PKD1: variants seen among roughly 807,000 people sequenced by gnomAD.
The protein encoded by PKD1 is polycystin-1.
A neutral mutation model predicts 361.7 loss-of-function variants in PKD1; 81 were observed. That is an observed-to-expected ratio of 0.22 (90% confidence interval 0.19 to 0.27). The LOEUF is 0.27. Ranked by LOEUF, PKD1 falls within the 10% of genes least tolerant of loss-of-function variation. The pLI, the probability that PKD1 is intolerant of heterozygous loss-of-function variation, is 1.00. For missense variants in PKD1, 6,399 were observed against 6,118.3 expected (o/e 1.05, Z -1.53); for synonymous variants, 3,615 against 2,818.3 (o/e 1.28, Z -8.95).
intron 30 of PKD1, chr16:2,098,976 G>C (rs929225627): frequency 6.1e-6 from 1 of 163,520 alleles, no homozygotes; most frequent in African/African-American, 2.5e-5. Context: ...GACTACAGGC[G>C]CCCGCCACCA....
Position 2,107,880 on chromosome 16 carries a change from C to T in PKD1, c.7065+3G>A, listed in dbSNP as rs553295222. On this transcript the variant is annotated splice_donor_region_variant and intron_variant, in intron 16 of 45. Coordinates refer to ENST00000262304, the MANE Select transcript of PKD1 (RefSeq NM_001009944.3). The stretch of plus-strand genomic sequence containing the variant: ...AAGTGGCCGAGGGGCGGGCGGCACC[C>T]ACCGTCTGGTTGGTGGCCTCCTCCT... 4.3e-5 allele frequency: 66 copies of T among 1,543,380 alleles called. No individual in the cohort carries two copies. In the South Asian group the frequency reaches 6.9e-4, roughly 16 times the overall value.
In PKD1 at chr16:2,108,676, G is replaced by A. The variant is rs1257689527; in HGVS notation, c.6491C>T (p.Ser2164Leu). The change falls in exon 15 of 46, where the codon TCA becomes TTA. Residue 2164 changes from serine to leucine, a missense_variant. Physicochemically the swap from Ser to Leu is moderately radical, Grantham distance 145. Transcript: ENST00000262304. ...GTGGGCCTCCAAGTAGTTGCGCTGTGATCGCCGCATCAGCACCTGCAGGGG... is the reference window on the plus strand; with the variant it reads ...GTGGGCCTCCAAGTAGTTGCGCTGTAATCGCCGCATCAGCACCTGCAGGGG... Reference protein sequence around the residue: ...VLPLQVLMRRSQRNYLEAHVD... With the variant: ...VLPLQVLMRRLQRNYLEAHVD... 6.4e-7 allele frequency: 1 copy of A among 1,567,452 alleles called. No individual in the cohort carries two copies. The highest frequency in any genetic ancestry group is 8.6e-7 in the Non-Finnish European group (1 of 1,157,080).
intron 40 of PKD1, 38 bp downstream of exon 40, chr16:2,091,996 AACTACTCCCTTGT>A: frequency 6.2e-7 from 1 of 1,612,454 alleles, no homozygotes; most frequent in South Asian, 1.1e-5. Context: ...ACTCCTGGAG[AACTACTCCCTTGT>A]CCTTGGCGTA....
chr16:2,089,156 A>T lies in PKD1; in HGVS notation c.*571T>A, dbSNP rs974154277. On this transcript the variant is annotated 3_prime_UTR_variant, in exon 46 of 46. Coordinates refer to ENST00000262304, the MANE Select transcript of PKD1 (RefSeq NM_001009944.3). ...GCATCCAAGCAGCAGCCGGGCTGCC[A>T]TAACGCCACCACACCTACCAAGCGC... 1.2e-5 allele frequency: 2 copies of T among 170,946 alleles called. No homozygotes were observed. The highest frequency in any genetic ancestry group is 4.8e-5 in the African/African-American group (2 of 41,818). 10.6% of individuals were successfully genotyped at this position (170,946 alleles called of 1,614,324 possible).
At chr16:2,128,753 G>A (rs1330014521) in intron 1 of PKD1, among the ~76,000 whole-genome samples, 1 of 152,134 alleles carries the variant, frequency 6.6e-6, no homozygotes, top group African/African-American at 2.4e-5. Context: ...CTCCCAGGCT[G>A]GAGTGCAATG....
At chr16:2,095,502 C>T (rs1057389706) in intron 34 of PKD1, 2 of 152,268 alleles carry the variant, frequency 1.3e-5, no homozygotes, top group Admixed American at 6.5e-5. Flanking sequence ...AGCAGGCTCT[C>T]GCTGGCAGAG....
rs1336275843 is a variant in PKD1 at position 2,110,603 on chromosome 16, C to A, written c.4564G>T (p.Asp1522Tyr). 6.2e-7 allele frequency: 1 copy of A among 1,610,716 alleles called. No individual in the cohort carries two copies. The change falls in exon 15 of 46, where the codon GAC (aspartate) becomes TAC (tyrosine). Residue 1522 changes from aspartate (D) to tyrosine (Y), a missense_variant. Physicochemically the swap from Asp to Tyr is radical, Grantham distance 160 (BLOSUM62 -3). Coordinates refer to ENST00000262304, the MANE Select transcript of PKD1 (RefSeq NM_001009944.3). ...EVTHAYNSTG[D>Y]FTVRVAGWNE... ...CAGCCGGCCACCCTAACGGTGAAGT[C>A]ACCTGTGCTGTTGTAAGCGTGGGTG... is the stretch of plus-strand genomic sequence containing the variant.
Position 2,119,205 on chromosome 16 carries a change from C to G in PKD1, c.288-20G>C. 6.4e-7 allele frequency: 1 copy of G among 1,557,168 alleles called. No homozygotes were observed. The highest frequency in any genetic ancestry group is 8.7e-7 in the Non-Finnish European group (1 of 1,145,734). On this transcript the variant is annotated intron_variant, in intron 2 of 45. Transcript: ENST00000262304. Reference sequence around the variant, plus strand: ...ATATCCCTGGAAGAGACGGGGGATTCGGCAAAGCTGATGGAAGCCCCCACA... The same window carrying G: ...ATATCCCTGGAAGAGACGGGGGATTGGGCAAAGCTGATGGAAGCCCCCACA...
chr16:2,091,327 GCGCTGCGAGGGGTGAGA>G (rs1332605299), intron 42 of PKD1, 79 bp downstream of exon 42: 5 of 527,890 alleles, frequency 9.5e-6, no homozygotes, highest in South Asian at 8.7e-5. Flanking sequence ...AGGGGGCGGG[GCGCTGCGAGGGGTGAGA>G]CGCTGCCGGG....
chr16:2,091,627 G>A (rs770333312), intron 41 of PKD1, 30 bp from the exon 42 acceptor site: 4 of 1,561,378 alleles, frequency 2.6e-6, no homozygotes, highest in Non-Finnish European at 2.6e-6. Context: ...CAGTAGGAGC[G>A]GGTGGCAGGG....
chr16:2,091,266 G>A (rs1432683707), intron 42 of PKD1, 92 bp from the exon 43 acceptor site: 1 of 474,150 alleles, frequency 2.1e-6, no homozygotes, highest in Non-Finnish European at 3.0e-6. Context: ...GGCCCTACGA[G>A]GGGGCGGGAC....
rs769711984 is a variant in PKD1, at chr16:2,114,421, C to A, written c.2602G>T (p.Ala868Ser). 2 of 1,602,544 alleles carry A rather than the reference C, an allele frequency of 1.2e-6. No homozygotes were observed. Among genetic ancestry groups the A allele is most frequent in the Admixed American group, 3.3e-5 (2 of 59,966 alleles). ...GCAGGGCAGACATTCTCAAAGCGGG[C>A]GCTGACACTGCCCCCAGGCCAGCGA... ...TARWPGGSVS[A>S]RFENVCPALV... The change falls in exon 11 of 46, where the codon GCC becomes TCC. Residue 868 changes from alanine to serine, a missense_variant. Physicochemically the swap from Ala to Ser is moderately conservative, Grantham distance 99. Transcript: ENST00000262304.
At chr16:2,121,830 T>C (rs1009278490) in intron 1 of PKD1, among the ~76,000 whole-genome samples, 3 of 152,166 alleles carry the variant, frequency 2.0e-5, no homozygotes, top group Non-Finnish European at 4.4e-5. Context: ...GGGCCTCTAC[T>C]TCCCCAGGTG....
At position 2,093,893 on chromosome 16, in the gene PKD1, A is replaced by C. The variant is rs2091725200; in HGVS notation, c.10739T>G (p.Phe3580Cys). The C allele has an allele frequency of 6.3e-7, 1 of 1,578,448 alleles. No homozygotes were observed. The highest frequency in any genetic ancestry group is 8.6e-7 in the Non-Finnish European group (1 of 1,167,750). Residue 3580 changes from phenylalanine to cysteine, a missense_variant, in exon 36 of 46, where the codon TTC becomes TGC. Phe to Cys is a radical substitution (Grantham distance 205). Transcript: ENST00000262304. Reference sequence around the variant, plus strand: ...CCACGCAACACTCACGCCCGGGGGGAAGCTCGCACCCACCCACCCTGAGAC... The same window carrying C: ...CCACGCAACACTCACGCCCGGGGGGCAGCTCGCACCCACCCACCCTGAGAC... ...VAVSGWVGAS[F>C]PPGVSVAWLL...
rs747482154 is a variant in PKD1 at position 2,090,084 on chromosome 16, C to G, written c.12555G>C (p.Ser4185=). Residue 4185 remains serine, a synonymous_variant, in exon 46 of 46, where the codon TCG becomes TCC. Transcript: ENST00000262304. ...VPPPSAGSDA[S]HPSTSSSQLD... ...GCTGGCTGGAGGAGGTGGAGGGGTG[C>G]GAGGCATCGGAGCCAGCGCTGGGTG... 3.1e-6 allele frequency: 5 copies of G among 1,608,788 alleles called. No homozygotes were observed. Among genetic ancestry groups the G allele is most frequent in the Non-Finnish European group, 4.2e-6 (5 of 1,177,348 alleles).
rs772375788 is a variant in PKD1 at position 2,105,947 on chromosome 16, C to T, written c.7781G>A (p.Ser2594Asn). Reference protein sequence around the residue: ...LTVWLHGLTASVLPGLLRQAD... With the variant: ...LTVWLHGLTANVLPGLLRQAD... Reference sequence around the variant, plus strand: ...CTGCCGCAGCAGCCCTGGGAGCACACTAGCGGTGAGCCCGTGCAGCCAGAC... The same window carrying T: ...CTGCCGCAGCAGCCCTGGGAGCACATTAGCGGTGAGCCCGTGCAGCCAGAC... The change falls in exon 20 of 46, where the codon AGT becomes AAT. Residue 2594 changes from serine to asparagine, a missense_variant. Coordinates refer to ENST00000262304, the MANE Select transcript of PKD1 (RefSeq NM_001009944.3). The T allele has an allele frequency of 7.5e-6, 12 of 1,598,812 alleles. No homozygotes were observed. The highest frequency in any genetic ancestry group is 1.0e-5 in the Non-Finnish European group (12 of 1,179,642).
intron 1 of PKD1, among the ~76,000 whole-genome samples, chr16:2,132,505 T>G (rs1453232128): frequency 1.3e-4 from 16 of 127,604 alleles, no homozygotes; most frequent in East Asian, 4.6e-4. Context: ...AACCAGGGAG[T>G]CGGAGGTTGC....
rs751730287 is a variant in PKD1 at position 2,094,116 on chromosome 16, G to C, written c.10594C>G (p.Gln3532Glu). 4 of 1,593,342 alleles carry C rather than the reference G, an allele frequency of 2.5e-6. No homozygotes were observed. The highest frequency in any genetic ancestry group is 3.4e-6 in the Non-Finnish European group (4 of 1,169,482). Reference protein sequence around the residue: ...PSPGLNWEQPQAARLSRTGLV... With the variant: ...PSPGLNWEQPEAARLSRTGLV... ...CCTGTCCTGGACAGCCTCGCTGCCT[G>C]GGGCTGTTCCCAGTTCAGGCCTGGG... is the stretch of plus-strand genomic sequence containing the variant. The change falls in exon 35 of 46, where the codon CAG (glutamine) becomes GAG (glutamate). Residue 3532 changes from glutamine (Q) to glutamate (E), a missense_variant. Transcript: ENST00000262304.
At chr16:2,096,120 C>T (rs2091835212) in intron 34 of PKD1, among the ~76,000 whole-genome samples, 1 of 152,250 alleles carries the variant, frequency 6.6e-6, no homozygotes, top group Non-Finnish European at 1.5e-5. Flanking sequence ...AGCAGTCACG[C>T]ACCACTTAGT....
Sources: allele counts gnomAD v4.1 joint callset (sites outside exome capture counted in the v4.1 genomes callset), GRCh38; gene constraint gnomAD v4.1.1; transcripts MANE v1.5; gene names NCBI Gene and HGNC (gene_info 2026-07-23, HGNC 2026-07-21).